The following MYT1L variants were observed in gnomAD, a reference collection of about 807,000 sequenced individuals.
MYT1L encodes myelin transcription factor 1-like protein.
Under a neutral mutation model 126.7 loss-of-function variants are expected in MYT1L, and 12 were observed. That is an observed-to-expected ratio of 0.09 (90% CI 0.06 to 0.15). The LOEUF is 0.15. Ranked by LOEUF, MYT1L falls within the 10% of genes least tolerant of loss-of-function variation. The pLI is 1.00. For synonymous variants in MYT1L, 541 were observed against 604.2 expected (o/e 0.90, Z 1.53); for missense variants, 979 against 1,585.2 (o/e 0.62, Z 6.49).
intron 18 of MYT1L, among the ~76,000 whole-genome samples, chr2:1,879,649 T>C (rs1453947997): frequency 6.6e-6 from 1 of 152,136 alleles, no homozygotes; most frequent in East Asian, 1.9e-4. Context: ...ATTTATAGTT[T>C]AGTAATATAT....
At chr2:2,054,447 G>C (rs573961738) in intron 3 of MYT1L, among the ~76,000 whole-genome samples, 1 of 151,760 alleles carries the variant, frequency 6.6e-6, no homozygotes, top group African/African-American at 2.4e-5. Flanking sequence ...AACACTCAGA[G>C]GTGAGATCAT....
intron 8 of MYT1L, among the ~76,000 whole-genome samples, chr2:1,959,824 G>A (rs556409232): frequency 2.0e-5 from 3 of 152,304 alleles, no homozygotes; most frequent in African/African-American, 4.8e-5. Context: ...ACGGTGTGGA[G>A]GCCATGAATA....
At chr2:2,284,930 G>A (rs189068763) in intron 1 of MYT1L, among the ~76,000 whole-genome samples, 3 of 152,220 alleles carry the variant, frequency 2.0e-5, no homozygotes, top group Non-Finnish European at 4.4e-5. Context: ...AGGGGTCAGG[G>A]TGGTCTTGAT....
At chr2:2,179,081 AT>A (rs2091134848) in intron 2 of MYT1L, among the ~76,000 whole-genome samples, 1 of 152,146 alleles carries the variant, frequency 6.6e-6, no homozygotes, top group South Asian at 2.1e-4. Flanking sequence ...GCCCTTGAGC[AT>A]AGGAACCTGG....
chr2:2,168,767 T>C (rs1479306827), intron 3 of MYT1L, among the ~76,000 whole-genome samples: 9 of 152,188 alleles, frequency 5.9e-5, no homozygotes, highest in Admixed American at 5.9e-4. Flanking sequence ...TGTTTGTGCT[T>C]CTGCTACCTG....
At chr2:1,947,984 G>A (rs2057391878) in intron 8 of MYT1L, among the ~76,000 whole-genome samples, 1 of 152,214 alleles carries the variant, frequency 6.6e-6, no homozygotes, top group African/African-American at 2.4e-5. Context: ...ACACCTCTTT[G>A]AGCACCCGGA....
chr2:1,804,576 C>T (rs1012987477), intron 22 of MYT1L, among the ~76,000 whole-genome samples: 1 of 152,204 alleles, frequency 6.6e-6, no homozygotes, highest in African/African-American at 2.4e-5. Context: ...AGCAAAGAAG[C>T]AAACAAATCC....
chr2:2,123,935 G>C (rs2081362359), intron 3 of MYT1L, among the ~76,000 whole-genome samples: 1 of 152,172 alleles, frequency 6.6e-6, no homozygotes, highest in Non-Finnish European at 1.5e-5. Context: ...ACACTGGGAA[G>C]TACAGGGAAC....
At chr2:2,001,969 C>T (rs1158105038) in intron 4 of MYT1L, among the ~76,000 whole-genome samples, 2 of 152,138 alleles carry the variant, frequency 1.3e-5, no homozygotes, top group Non-Finnish European at 2.9e-5. Flanking sequence ...TAACCCTGCT[C>T]CACGGTGAGA....
At chr2:2,132,626 G>A (rs1010948888) in intron 3 of MYT1L, among the ~76,000 whole-genome samples, 3 of 152,020 alleles carry the variant, frequency 2.0e-5, no homozygotes, top group Non-Finnish European at 4.4e-5. Flanking sequence ...CAATGCATGC[G>A]GGGCTTAAAA....
intron 3 of MYT1L, among the ~76,000 whole-genome samples, chr2:2,109,830 G>A (rs2079165195): frequency 7.1e-6 from 1 of 140,834 alleles, no homozygotes; most frequent in African/African-American, 2.6e-5. Flanking sequence ...CTAGCCATGT[G>A]TGGAAATAAA....
At chr2:1,992,967 T>C (rs968599010) in intron 5 of MYT1L, among the ~76,000 whole-genome samples, 2 of 152,172 alleles carry the variant, frequency 1.3e-5, no homozygotes, top group Non-Finnish European at 2.9e-5. Context: ...TCTGATCTTA[T>C]GGCCCCAACC....
intron 1 of MYT1L, among the ~76,000 whole-genome samples, chr2:2,296,194 A>T (rs1211133556): frequency 6.6e-6 from 1 of 152,230 alleles, no homozygotes; most frequent in Non-Finnish European, 1.5e-5. Flanking sequence ...CCTGAGGTGC[A>T]GCTAAACTTC....
In MYT1L at chr2:1,852,919, T is replaced by G. The variant is rs1297354853; in HGVS notation, c.2712-1216A>C. The stretch of plus-strand genomic sequence containing the variant: ...CAGAAAGTCACTATGGATAGGGTAC[T>G]GGGGGCTGAGACCAGGACGGCAAAG... On this transcript the variant is annotated intron_variant, in intron 18 of 24. Transcript: ENST00000647738. This position sits in a 1 kb window ranked among gnomAD's most constrained non-coding sequence, Gnocchi z 4.0. Among the ~76,000 whole-genome samples the G allele has an allele frequency of 6.6e-6, 1 of 152,224 alleles. No homozygotes were observed. The highest frequency in any genetic ancestry group is 2.1e-4 in the South Asian group (1 of 4,832).
At chr2:1,977,503 T>C (rs2060274173) in intron 8 of MYT1L, among the ~76,000 whole-genome samples, 2 of 152,206 alleles carry the variant, frequency 1.3e-5, no homozygotes, top group Non-Finnish European at 2.9e-5. Flanking sequence ...CTTTTTATAA[T>C]TGTACCTTTA....
At chr2:1,874,697 C>CA (rs2046677693) in intron 18 of MYT1L, among the ~76,000 whole-genome samples, 7 of 152,314 alleles carry the variant, frequency 4.6e-5, no homozygotes, top group African/African-American at 1.7e-4. Flanking sequence ...GTCCCTCTGC[C>CA]CGTGCCGTTT....
At chr2:2,298,905 T>G (rs1573330364) in intron 1 of MYT1L, among the ~76,000 whole-genome samples, 1 of 152,142 alleles carries the variant, frequency 6.6e-6, no homozygotes. Flanking sequence ...CAGGCTGGAG[T>G]GCAGTGGCAC....
chr2:1,808,822 A>G (rs556682764), intron 22 of MYT1L, among the ~76,000 whole-genome samples: 1 of 152,312 alleles, frequency 6.6e-6, no homozygotes, highest in Admixed American at 6.5e-5. Context: ...TAAATCGTCC[A>G]GTGCTGGAGA....
chr2:2,110,891 G>A (rs2150573489), intron 3 of MYT1L, among the ~76,000 whole-genome samples: 1 of 152,258 alleles, frequency 6.6e-6, no homozygotes, highest in South Asian at 2.1e-4. Flanking sequence ...CACAACTGAG[G>A]TCTCAGGCCA....
Sources: gnomAD v4.1 joint callset for allele counts (sites outside exome capture counted in the v4.1 genomes callset) on GRCh38, gnomAD v4.1.1 for gene constraint, Gnocchi (gnomAD v3.1) non-coding constraint, MANE v1.5 for transcripts, NCBI Gene and HGNC (gene_info 2026-07-23, HGNC 2026-07-21) for gene names.